PTPRD: variants seen among roughly 807,000 people sequenced by gnomAD.
PTPRD encodes the protein protein tyrosine phosphatase receptor type D, also known as receptor-type tyrosine-protein phosphatase delta.
In PTPRD, 34 loss-of-function variants were observed where a neutral mutation model predicts 214.5. The observed-to-expected ratio is 0.16, with a 90% CI of 0.12 to 0.21. The LOEUF (loss-of-function observed/expected upper bound fraction) is 0.21, where lower values mean the gene tolerates loss of function less well. Among genes scored for constraint, PTPRD ranks in the 10% least tolerant of loss-of-function variants. The pLI is 1.00. For synonymous variants in PTPRD, 1,128 were observed against 845.7 expected, an observed-to-expected ratio of 1.33 and a Z score of -5.79; for missense variants, 2,545 against 2,398.7, an observed-to-expected ratio of 1.06 and a Z score of -1.27.
chr9:9,701,069 C>G (rs2097490351), intron 7 of PTPRD, among the ~76,000 whole-genome samples: 2 of 151,836 alleles, frequency 1.3e-5, no homozygotes, highest in South Asian at 4.2e-4. Flanking sequence ...AATAGGTATT[C>G]CCCCTGTTGG....
intron 7 of PTPRD, among the ~76,000 whole-genome samples, chr9:9,662,624 C>T (rs1409813760): frequency 4.6e-5 from 7 of 151,462 alleles, no homozygotes; most frequent in African/African-American, 7.3e-5. Flanking sequence ...ATTAATACTT[C>T]GATAGATTCT....
chr9:10,488,934 G>T (rs557362081), intron 2 of PTPRD, among the ~76,000 whole-genome samples: 1 of 152,082 alleles, frequency 6.6e-6, no homozygotes, highest in African/African-American at 2.4e-5. Context: ...CCAAGTGTCC[G>T]CTTGGTGCTC....
intron 2 of PTPRD, among the ~76,000 whole-genome samples, chr9:10,342,384 G>A (rs1313970870): frequency 6.6e-6 from 1 of 152,002 alleles, no homozygotes; most frequent in Non-Finnish European, 1.5e-5. Flanking sequence ...ACTATTGCCT[G>A]CCTTTTTACA....
At chr9:10,116,568 T>C (rs934748803) in intron 3 of PTPRD, among the ~76,000 whole-genome samples, 14 of 152,170 alleles carry the variant, frequency 9.2e-5, no homozygotes, top group Admixed American at 5.9e-4. Context: ...TATCTCAAAT[T>C]TGTGATATAG....
intron 10 of PTPRD, among the ~76,000 whole-genome samples, chr9:9,086,260 C>A (rs1426919509): frequency 1.3e-5 from 2 of 152,136 alleles, no homozygotes; most frequent in African/African-American, 4.8e-5. Flanking sequence ...TTCATTGAGA[C>A]TAATTCACTG....
chr9:9,428,376 T>C (rs1014805320), intron 8 of PTPRD, among the ~76,000 whole-genome samples: 4 of 150,958 alleles, frequency 2.6e-5, no homozygotes, highest in Non-Finnish European at 5.9e-5. Flanking sequence ...CCTAAATATA[T>C]ATGCAGGAGC....
At chr9:9,299,262 T>G (rs1315203826) in intron 9 of PTPRD, among the ~76,000 whole-genome samples, 1 of 151,756 alleles carries the variant, frequency 6.6e-6, no homozygotes, top group Non-Finnish European at 1.5e-5. Flanking sequence ...TGCAGAAAGG[T>G]AGATTTACAG....
chr9:8,857,390 T>C (rs937610720), intron 11 of PTPRD, among the ~76,000 whole-genome samples: 1 of 152,118 alleles, frequency 6.6e-6, no homozygotes, highest in African/African-American at 2.4e-5. Context: ...CCCCATTCTC[T>C]AGAGTCGCCT....
intron 14 of PTPRD, among the ~76,000 whole-genome samples, chr9:8,601,463 C>T (rs2094857083): frequency 6.6e-6 from 1 of 152,150 alleles, no homozygotes. Flanking sequence ...TCAGCTATGA[C>T]ACAGCATAGT....
At chr9:9,136,929 C>T (rs10977519) in intron 10 of PTPRD, among the ~76,000 whole-genome samples, 5,919 of 151,998 alleles carry the variant, frequency 0.039, 240 homozygotes, top group African/African-American at 0.094. Context: ...TTACTCTGTG[C>T]CTGGCTTGCT....
At chr9:8,548,036 C>T (rs899099070) in intron 14 of PTPRD, among the ~76,000 whole-genome samples, 5 of 152,108 alleles carry the variant, frequency 3.3e-5, no homozygotes, top group Non-Finnish European at 7.4e-5. Context: ...ACTAATCAAA[C>T]CCTAAGGGAG....
chr9:10,220,779 G>A (rs946313149), intron 3 of PTPRD, among the ~76,000 whole-genome samples: 7 of 151,662 alleles, frequency 4.6e-5, no homozygotes, highest in Non-Finnish European at 8.8e-5. Flanking sequence ...ATATGCACAT[G>A]CTATTATCTG....
intron 8 of PTPRD, among the ~76,000 whole-genome samples, chr9:9,495,370 C>G (rs947199098): frequency 2.0e-5 from 3 of 151,756 alleles, no homozygotes; most frequent in African/African-American, 4.8e-5. Context: ...TTGAAACCTG[C>G]AGCCCAAAGT....
intron 3 of PTPRD, among the ~76,000 whole-genome samples, chr9:10,332,616 T>C (rs1481282406): frequency 1.3e-5 from 2 of 151,840 alleles, no homozygotes; most frequent in African/African-American, 2.4e-5. Flanking sequence ...ACACCCCATG[T>C]TCTAAATCCT....
chr9:8,606,760 A>G (rs1421527850), intron 14 of PTPRD, among the ~76,000 whole-genome samples: 1 of 152,220 alleles, frequency 6.6e-6, no homozygotes, highest in African/African-American at 2.4e-5. Flanking sequence ...TTATATCTAT[A>G]CAATAATCTC....
intron 4 of PTPRD, among the ~76,000 whole-genome samples, chr9:10,011,801 T>A (rs1002488550): frequency 1.3e-5 from 2 of 151,946 alleles, no homozygotes; most frequent in African/African-American, 4.8e-5. Flanking sequence ...TAGAGAAGCA[T>A]TTCTTATATC....
chr9:9,722,327 T>A (rs1596031154), intron 7 of PTPRD, among the ~76,000 whole-genome samples: 1 of 152,084 alleles, frequency 6.6e-6, no homozygotes, highest in East Asian at 1.9e-4. Context: ...AAATATGTGG[T>A]CTATTGTAAC....
rs1963816885 is a variant in PTPRD, at chr9:9,317,359, T to A, written c.-203+80090A>T. 2.0e-5 allele frequency among the ~76,000 whole-genome samples: 3 copies of A among 152,306 alleles called. No homozygotes were observed. In the South Asian group the frequency reaches 6.2e-4, roughly 32 times the overall value. ...TTCCCTTGGAAGTTTCACAAGCATG[T>A]CAAACTCAATATTTCTAAAACAAAC... On this transcript the variant is annotated intron_variant, in intron 9 of 45. Transcript: ENST00000381196.
At chr9:9,298,237 T>C (rs528784868) in intron 9 of PTPRD, among the ~76,000 whole-genome samples, 1 of 151,764 alleles carries the variant, frequency 6.6e-6, no homozygotes, top group South Asian at 2.1e-4. Context: ...GAGAAACAAA[T>C]GCAAGCAGAG....
Sources: gnomAD v4.1 joint callset for allele counts (sites outside exome capture counted in the v4.1 genomes callset) on GRCh38, gnomAD v4.1.1 for gene constraint, MANE v1.5 for transcripts, NCBI Gene and HGNC (gene_info 2026-07-23, HGNC 2026-07-21) for gene names.